RPS29: variants seen among roughly 807,000 people sequenced by gnomAD.
RPS29 encodes the protein small ribosomal subunit protein uS14.
For synonymous variants in RPS29, 37 were observed against 26.9 expected (o/e 1.37, Z -1.16); for missense variants, 60 against 75.7 (o/e 0.79, Z 0.77).
chr14:49,582,390 AG>A (rs768936322), downstream of RPS29, among the ~76,000 whole-genome samples: 11 of 152,242 alleles, frequency 7.2e-5, no homozygotes, highest in Non-Finnish European at 1.5e-4. Flanking sequence ...GATTCCATCC[AG>A]GAATTCTCTT....
downstream of RPS29, among the ~76,000 whole-genome samples, chr14:49,583,332 C>G (rs184150004): frequency 1.8e-3 from 273 of 152,160 alleles, 4 homozygotes; most frequent in Middle Eastern, 0.024. Context: ...GAGCAGATCA[C>G]GAAGTCAAGA....
chr14:49,598,022 CA>C, intron 1 of RPS29: 1 of 190,080 alleles, frequency 5.3e-6, no homozygotes, highest in Non-Finnish European at 1.1e-5. Context: ...GACAACACTT[CA>C]GGTTCAACAT....
exon 3 of RPS29, chr14:49,577,665 C>T (rs1881221021): frequency 2.7e-6 from 2 of 748,618 alleles, no homozygotes; most frequent in African/African-American, 1.7e-5. Flanking sequence ...CTTCTATGAA[C>T]CCTGTTGTTA....
exon 3 of RPS29, chr14:49,571,890 T>G (rs1327200996): frequency 6.6e-6 from 1 of 152,202 alleles, no homozygotes; most frequent in Non-Finnish European, 1.5e-5. Context: ...TGTGAGTCAT[T>G]CTAGCAAATC....
downstream of RPS29, among the ~76,000 whole-genome samples, chr14:49,582,356 C>T (rs913983335): frequency 6.6e-6 from 1 of 152,214 alleles, no homozygotes; most frequent in African/African-American, 2.4e-5. Context: ...TCTCACTCTT[C>T]AGCCACAACT....
Position 49,576,871 on chromosome 14 carries a change from A to G in RPS29, c.*941T>C, listed in dbSNP as rs138949145. On this transcript the variant is annotated 3_prime_UTR_variant, in exon 3 of 3. Coordinates refer to the RPS29 transcript ENST00000396020. ...TAAGAAGTGCCTTTTGCCTTCTACC[A>G]TAATTGTGAGGCATCCCCAGCCACA... The G allele has an allele frequency of 2.0e-5, 3 of 152,356 alleles. No homozygotes were observed. In the East Asian group the frequency reaches 5.8e-4, roughly 29 times the overall value. 9.4% of individuals were successfully genotyped at this position (152,356 alleles called of 1,614,324 possible).
Position 49,586,281 on chromosome 14 carries a change from T to A in RPS29, c.62+4A>T. 1 of 1,613,586 alleles carries A rather than the reference T, an allele frequency of 6.2e-7. No homozygotes were observed. The highest frequency in any genetic ancestry group is 8.5e-7 in the Non-Finnish European group (1 of 1,179,544). On this transcript the variant is annotated splice_donor_region_variant and intron_variant, in intron 1 of 2. Transcript: ENST00000245458. ...CTTCCCCAAAATCACAAACTATTTCTCACCAAGAGCGAGAACCCTGGCCGA... is the reference window on the plus strand; with the variant it reads ...CTTCCCCAAAATCACAAACTATTTCACACCAAGAGCGAGAACCCTGGCCGA...
chr14:49,574,799 C>T (rs1300814512), exon 3 of RPS29: 3 of 152,342 alleles, frequency 2.0e-5, no homozygotes, highest in Non-Finnish European at 2.9e-5. Flanking sequence ...GGGTCACCCA[C>T]GAAGAAATTG....
At chr14:49,579,085 G>C (rs1881267156), downstream of RPS29, among the ~76,000 whole-genome samples, 1 of 152,168 alleles carries the variant, frequency 6.6e-6, no homozygotes, top group African/African-American at 2.4e-5. Context: ...TCCACATGAT[G>C]AAACCCTAGC....
chr14:49,591,297 GT>G (rs1881704633), upstream of RPS29, among the ~76,000 whole-genome samples: 1 of 151,552 alleles, frequency 6.6e-6, no homozygotes, highest in African/African-American at 2.4e-5. Flanking sequence ...CTGTTTGTTT[GT>G]TTGTTTGTTT....
At chr14:49,586,743 G>A (rs537834976), upstream of RPS29, 4 of 245,246 alleles carry the variant, frequency 1.6e-5, no homozygotes, top group South Asian at 1.4e-4. Context: ...GGGACCACCA[G>A]GTTGCCTAAG....
At chr14:49,584,777 AT>A (rs36101486) in intron 2 of RPS29, among the ~76,000 whole-genome samples, 30,124 of 150,028 alleles carry the variant, frequency 0.2, 3,256 homozygotes, top group Admixed American at 0.28. Context: ...AAAAAAAAAA[AT>A]TTACATCATT....
At chr14:49,598,686 C>T (rs567614258), upstream of RPS29, 2 of 700,066 alleles carry the variant, frequency 2.9e-6, no homozygotes, top group Non-Finnish European at 5.2e-6. Flanking sequence ...GAATCCTCCC[C>T]GAACAGAAAC....
downstream of RPS29, among the ~76,000 whole-genome samples, chr14:49,580,775 C>T (rs1261239365): frequency 2.0e-5 from 3 of 152,056 alleles, no homozygotes; most frequent in Non-Finnish European, 2.9e-5. Context: ...ATCCCAGCTA[C>T]CTGGCAGGCT....
At position 49,586,101 on chromosome 14, in the gene RPS29, G is replaced by A. The variant is rs760672525; in HGVS notation, c.63-52C>T. The A allele has an allele frequency of 2.6e-6, 4 of 1,511,052 alleles. No homozygotes were observed. The Admixed American group carries it at 5.0e-5, about 19-fold the overall frequency. The allele number at this position is 1,511,052 out of a possible 1,614,324, so 93.6% of individuals were successfully genotyped here. On this transcript the variant is annotated intron_variant, in intron 1 of 2. Coordinates refer to ENST00000245458, the MANE Select transcript of RPS29 (RefSeq NM_001032.5). Reference sequence around the variant, plus strand: ...CAGGTCATAGAAATTACAAGACTCCGCACTCAGACGGCTACTACCCGCATC... The same window carrying A: ...CAGGTCATAGAAATTACAAGACTCCACACTCAGACGGCTACTACCCGCATC...
At chr14:49,579,943 A>G (rs1881289935), downstream of RPS29, among the ~76,000 whole-genome samples, 1 of 152,202 alleles carries the variant, frequency 6.6e-6, no homozygotes, top group Non-Finnish European at 1.5e-5. Flanking sequence ...TTGGCTATGT[A>G]ATGATGATAA....
At chr14:49,575,876 G>C (rs1394398418) in exon 3 of RPS29, 2 of 152,124 alleles carry the variant, frequency 1.3e-5, no homozygotes, top group Non-Finnish European at 2.9e-5. Context: ...TTCTAATTTA[G>C]CAAATTACTT....
intron 2 of RPS29, chr14:49,585,648 T>C (rs1232366152): frequency 4.5e-6 from 2 of 440,734 alleles, no homozygotes; most frequent in East Asian, 3.3e-5. Flanking sequence ...AAAACAATTT[T>C]AGTGGCTTCT....
chr14:49,582,390 A>G (rs1566479220), downstream of RPS29, among the ~76,000 whole-genome samples: 1 of 152,242 alleles, frequency 6.6e-6, no homozygotes, highest in African/African-American at 2.4e-5. Context: ...GATTCCATCC[A>G]GGAATTCTCT....
Sources: gnomAD v4.1 joint callset for allele counts (sites outside exome capture counted in the v4.1 genomes callset) on GRCh38, gnomAD v4.1.1 for gene constraint, MANE v1.5 for transcripts, NCBI Gene and HGNC (gene_info 2026-07-23, HGNC 2026-07-21) for gene names.